Variants in REDIC1 observed in about 807,000 individuals in gnomAD.
The protein encoded by REDIC1 is HEI10 Interacting Protein 1.
the REDIC1 span, among the ~76,000 whole-genome samples, chr12:39,669,103 C>T: frequency 3.3e-5 from 5 of 152,170 alleles, no homozygotes; most frequent in Non-Finnish European, 5.9e-5. Context: ...TGAGGAGCTG[C>T]GTTCCTTTAG....
the REDIC1 span, among the ~76,000 whole-genome samples, chr12:39,719,342 C>G: frequency 1.6e-4 from 24 of 152,202 alleles, no homozygotes; most frequent in South Asian, 4.8e-3. Context: ...AGAAATAGCA[C>G]TTAGCCAGGC....
the REDIC1 span, among the ~76,000 whole-genome samples, chr12:39,888,425 A>G: frequency 1.3e-4 from 20 of 152,252 alleles, 1 homozygote; most frequent in East Asian, 3.7e-3. Context: ...AGGTTTCACC[A>G]TATTGGTCAG....
the REDIC1 span, among the ~76,000 whole-genome samples, chr12:39,895,793 C>CAT: frequency 1.5e-3 from 29 of 19,088 alleles, 9 homozygotes; most frequent in Admixed American, 2.3e-3. Context: ...TACGTACACA[C>CAT]ATGTATATGC....
chr12:39,838,660 G>T, the REDIC1 span, among the ~76,000 whole-genome samples: 3 of 152,046 alleles, frequency 2.0e-5, no homozygotes, highest in African/African-American at 7.2e-5. Flanking sequence ...AGTGTCTAAG[G>T]AAGAGAAAGG....
chr12:39,684,483 A>G, the REDIC1 span, among the ~76,000 whole-genome samples: 1 of 152,264 alleles, frequency 6.6e-6, no homozygotes, highest in Non-Finnish European at 1.5e-5. Flanking sequence ...CAAATTAATT[A>G]AAACATAGAC....
the REDIC1 span, among the ~76,000 whole-genome samples, chr12:39,698,032 A>G: frequency 2.0e-5 from 3 of 152,218 alleles, no homozygotes. Flanking sequence ...CTATAAAGAC[A>G]CAAATAGACA....
At chr12:39,706,100 T>C in the REDIC1 span, among the ~76,000 whole-genome samples, 1 of 151,984 alleles carries the variant, frequency 6.6e-6, no homozygotes, top group African/African-American at 2.4e-5. Context: ...CTATTAGAAT[T>C]GATAAAATCA....
At chr12:39,784,887 A>C in the REDIC1 span, among the ~76,000 whole-genome samples, 4 of 152,208 alleles carry the variant, frequency 2.6e-5, no homozygotes, top group Non-Finnish European at 5.9e-5. Flanking sequence ...GGAACTTTCA[A>C]CTTGAGAGAG....
At chr12:39,682,460 A>G in the REDIC1 span, 1 of 439,134 alleles carries the variant, frequency 2.3e-6, no homozygotes, top group Non-Finnish European at 3.7e-6. Context: ...CACCCAAAGC[A>G]ATATTATTTA....
At chr12:39,704,553 C>G in the REDIC1 span, among the ~76,000 whole-genome samples, 1 of 151,996 alleles carries the variant, frequency 6.6e-6, no homozygotes, top group Non-Finnish European at 1.5e-5. Context: ...ACCATTTGAC[C>G]CAGCCATCCC....
At chr12:39,746,647 T>G in the REDIC1 span, among the ~76,000 whole-genome samples, 54 of 152,282 alleles carry the variant, frequency 3.5e-4, no homozygotes, top group East Asian at 8.9e-3. Context: ...GTCCCTGACC[T>G]CTGAGTAGCC....
chr12:39,703,512 A>G, the REDIC1 span, among the ~76,000 whole-genome samples: 1 of 151,690 alleles, frequency 6.6e-6, no homozygotes, highest in Non-Finnish European at 1.5e-5. Flanking sequence ...ATACTGCCCA[A>G]GGTAATTTAC....
At chr12:39,761,325 G>A in the REDIC1 span, among the ~76,000 whole-genome samples, 2 of 151,944 alleles carry the variant, frequency 1.3e-5, no homozygotes, top group East Asian at 3.9e-4. Context: ...AAAATCAGGG[G>A]CATGTATAGG....
the REDIC1 span, chr12:39,720,832 A>C: frequency 2.5e-6 from 4 of 1,612,452 alleles, no homozygotes; most frequent in Middle Eastern, 1.7e-4. Context: ...TGAAGATTCA[A>C]ATAGGATGAC....
At chr12:39,675,679 C>G in the REDIC1 span, among the ~76,000 whole-genome samples, 1 of 152,196 alleles carries the variant, frequency 6.6e-6, no homozygotes, top group Non-Finnish European at 1.5e-5. Flanking sequence ...AAACTACAAC[C>G]AAGGACTCCC....
At chr12:39,691,707 T>C in the REDIC1 span, among the ~76,000 whole-genome samples, 1 of 152,182 alleles carries the variant, frequency 6.6e-6, no homozygotes, top group Non-Finnish European at 1.5e-5. Flanking sequence ...ATGATCTAAC[T>C]TAGGAAATTA....
At chr12:39,742,532 T>A in the REDIC1 span, among the ~76,000 whole-genome samples, 1 of 152,138 alleles carries the variant, frequency 6.6e-6, no homozygotes, top group Non-Finnish European at 1.5e-5. Context: ...AGGTGAGCTG[T>A]CTTGGAGCTC....
the REDIC1 span, among the ~76,000 whole-genome samples, chr12:39,626,642 GCT>G: frequency 6.6e-6 from 1 of 152,076 alleles, no homozygotes; most frequent in Non-Finnish European, 1.5e-5. Flanking sequence ...CATGTCCTAT[GCT>G]CTGTTACTGT....
At chr12:39,763,586 A>AAG in the REDIC1 span, among the ~76,000 whole-genome samples, 2 of 152,052 alleles carry the variant, frequency 1.3e-5, no homozygotes, top group Admixed American at 1.3e-4. Context: ...TGTTCTTGCA[A>AAG]AGAGAAATGA....
Sources: allele counts gnomAD v4.1 joint callset (sites outside exome capture counted in the v4.1 genomes callset), GRCh38; gene constraint gnomAD v4.1.1; transcripts MANE v1.5; gene names NCBI Gene and HGNC (gene_info 2026-07-23, HGNC 2026-07-21).